CACNA1E: variants seen among roughly 807,000 people sequenced by gnomAD.
The protein encoded by CACNA1E is calcium voltage-gated channel subunit alpha1 E.
A neutral mutation model predicts 259.2 loss-of-function variants in CACNA1E; 40 were observed. That is an observed-to-expected ratio of 0.15 (90% confidence interval 0.12 to 0.20). The LOEUF (loss-of-function observed/expected upper bound fraction) is 0.20. CACNA1E is among the 10% of genes least tolerant of loss of function. The pLI is 1.00. For missense variants in CACNA1E, 1,874 were observed against 3,040.1 expected, an observed-to-expected ratio of 0.62 and a Z score of 9.02; for synonymous variants, 1,104 against 1,138.5, an observed-to-expected ratio of 0.97 and a Z score of 0.61.
chr1:181,733,788 C>T lies in CACNA1E; in HGVS notation c.3262+38C>T, dbSNP rs765647764. The T allele has an allele frequency of 1.5e-5, 21 of 1,419,476 alleles. No homozygotes were observed. In the Admixed American group the frequency reaches 5.5e-4, roughly 37 times the overall value. The allele number at this position is 1,419,476 out of a possible 1,614,324, so 87.9% of individuals were successfully genotyped here. Reference sequence around the variant, plus strand: ...TCCCTGTTCCCCTCCACCCCCAACTCCTATCCCATCTGGGGCTGGGGCCAT... The same window carrying T: ...TCCCTGTTCCCCTCCACCCCCAACTTCTATCCCATCTGGGGCTGGGGCCAT... On this transcript the variant is annotated intron_variant, in intron 21 of 47. Transcript: ENST00000367573.
At position 181,732,875 on chromosome 1, in the gene CACNA1E, G is replaced by T. The variant is rs1328788154; in HGVS notation, c.2789G>T (p.Gly930Val). ...CGGCATCGCCGCGTCAGGACAGAAG[G>T]CAAGGAGTCCTCTTCAGCCTCCCGG... The part of the protein sequence containing the change: ...RSRHRRVRTE[G>V]KESSSASRSR... The change falls in exon 20 of 48, where the codon GGC becomes GTC. Residue 930 changes from glycine to valine, a missense_variant. Transcript: ENST00000367573. The surrounding 1 kb of genome is among the most constrained non-coding windows in gnomAD (Gnocchi z 5.5). 1.2e-6 allele frequency: 2 copies of T among 1,614,006 alleles called. No homozygotes were observed. Among genetic ancestry groups the T allele is most frequent in the Non-Finnish European group, 1.7e-6 (2 of 1,179,894 alleles).
chr1:181,506,778 A>T (rs940746663), intron 1 of CACNA1E, among the ~76,000 whole-genome samples: 2 of 152,152 alleles, frequency 1.3e-5, no homozygotes, highest in African/African-American at 4.8e-5. Context: ...TCAGAAAGGG[A>T]AGTGGAAAAG....
intron 7 of CACNA1E, among the ~76,000 whole-genome samples, chr1:181,681,413 G>C (rs1025112162): frequency 6.6e-5 from 10 of 152,092 alleles, no homozygotes; most frequent in African/African-American, 2.2e-4. Context: ...ATCCTTATCT[G>C]GTCTGCAAAT....
At chr1:181,698,960 A>G (rs1046981042) in intron 7 of CACNA1E, among the ~76,000 whole-genome samples, 2 of 152,182 alleles carry the variant, frequency 1.3e-5, no homozygotes, top group African/African-American at 4.8e-5. Context: ...TAAGCTGAAT[A>G]TAGTGAAGAA....
intron 6 of CACNA1E, among the ~76,000 whole-genome samples, chr1:181,639,241 C>G (rs1657525242): frequency 6.6e-6 from 1 of 152,112 alleles, no homozygotes; most frequent in African/African-American, 2.4e-5. Flanking sequence ...GTGCCTGCCA[C>G]CATGCCCGGC....
chr1:181,631,819 C>CT (rs1472101027), intron 6 of CACNA1E, among the ~76,000 whole-genome samples: 3 of 152,198 alleles, frequency 2.0e-5, no homozygotes, highest in Non-Finnish European at 2.9e-5. Flanking sequence ...GGCTTGACCA[C>CT]TTTTTTGCAT....
At chr1:181,344,320 A>T (rs1652418060) in intron 1 of CACNA1E, among the ~76,000 whole-genome samples, 1 of 152,304 alleles carries the variant, frequency 6.6e-6, no homozygotes, top group East Asian at 1.9e-4. Context: ...CATTCCAGGC[A>T]CTGCTCTTTC....
chr1:181,528,374 C>A (rs897698287), intron 3 of CACNA1E, among the ~76,000 whole-genome samples: 2 of 152,094 alleles, frequency 1.3e-5, no homozygotes, highest in Non-Finnish European at 2.9e-5. Context: ...TCTTTTTGTT[C>A]CCAGTTTCAG....
In CACNA1E at chr1:181,510,657, C is replaced by G. The variant is rs1463464181; in HGVS notation, c.372+75C>G. On this transcript the variant is annotated intron_variant, in intron 2 of 47. Coordinates refer to ENST00000367573, the MANE Select transcript of CACNA1E (RefSeq NM_001205293.3). ...TTCTTCTCCTCTGCTTTATCACTCT[C>G]CCATTCCCTTCCTGCCTGTGAGTTC... 6 of 930,804 alleles carry G rather than the reference C, an allele frequency of 6.4e-6. No individual in the cohort carries two copies. In the East Asian group the frequency reaches 1.3e-4, roughly 20 times the overall value. 57.7% of individuals were successfully genotyped at this position (930,804 alleles called of 1,614,324 possible).
chr1:181,381,033 A>T (rs1296504609), intron 1 of CACNA1E, among the ~76,000 whole-genome samples: 1 of 151,936 alleles, frequency 6.6e-6, no homozygotes, highest in Admixed American at 6.6e-5. Context: ...AGACATGGTG[A>T]TGGGCATCTG....
At chr1:181,461,342 C>T (rs1661794309) in intron 2 of CACNA1E, among the ~76,000 whole-genome samples, 1 of 151,662 alleles carries the variant, frequency 6.6e-6, no homozygotes, top group Non-Finnish European at 1.5e-5. Flanking sequence ...GAGATCGAGA[C>T]CATCCTGGCT....
chr1:181,597,390 C>T (rs1019980313), intron 6 of CACNA1E, among the ~76,000 whole-genome samples: 1 of 152,218 alleles, frequency 6.6e-6, no homozygotes, highest in Non-Finnish European at 1.5e-5. Context: ...CCTCTTCTAT[C>T]CATGTATATT....
chr1:181,736,827 G>A (rs768743070), intron 22 of CACNA1E, among the ~76,000 whole-genome samples: 1 of 152,212 alleles, frequency 6.6e-6, no homozygotes, highest in Non-Finnish European at 1.5e-5. Context: ...ACCTGTTGGA[G>A]TTGAGAATTT....
intron 2 of CACNA1E, among the ~76,000 whole-genome samples, chr1:181,445,057 GA>G (rs1459465838): frequency 6.6e-6 from 1 of 152,156 alleles, no homozygotes; most frequent in Non-Finnish European, 1.5e-5. Flanking sequence ...CAAAATGGAG[GA>G]AAAGAAAGAG....
At chr1:181,482,418 C>G (rs1663343912), upstream of CACNA1E, among the ~76,000 whole-genome samples, 1 of 152,272 alleles carries the variant, frequency 6.6e-6, no homozygotes, top group Non-Finnish European at 1.5e-5. Flanking sequence ...ACCTGCCTCT[C>G]TCTTCTCGGC....
chr1:181,506,142 T>A (rs7524850), intron 1 of CACNA1E, among the ~76,000 whole-genome samples: 8,165 of 152,214 alleles, frequency 0.054, 694 homozygotes, highest in African/African-American at 0.18. Context: ...TGTCCCTGAT[T>A]GTGGTTGCCA....
rs749200013 is a variant in CACNA1E, at chr1:181,776,104, C to T, written c.5143C>T (p.Leu1715Phe). Residue 1715 changes from leucine (L) to phenylalanine (F), a missense_variant, in exon 38 of 48, where the codon CTC becomes TTC. This residue lies in a region of CACNA1E where 147 missense variants were observed against 337.1 expected (regional missense o/e 0.44). Coordinates refer to ENST00000367573, the MANE Select transcript of CACNA1E (RefSeq NM_001205293.3). This position sits in a 1 kb window ranked among gnomAD's most constrained non-coding sequence, Gnocchi z 4.4. ...SFIFFCSFLM[L>F]NLFVAVIMDN... is the part of the protein sequence containing the mutation. ...TCTTCTTCCCCTTGCCCTTCAGATGCTCAACCTGTTTGTGGCCGTCATCAT... is the reference window on the plus strand; with the variant it reads ...TCTTCTTCCCCTTGCCCTTCAGATGTTCAACCTGTTTGTGGCCGTCATCAT... 6.2e-7 allele frequency: 1 copy of T among 1,613,066 alleles called. No homozygotes were observed. Among genetic ancestry groups the T allele is most frequent in the Admixed American group, 1.7e-5 (1 of 59,972 alleles).
At chr1:181,745,390 T>C in intron 25 of CACNA1E, 1 of 491,764 alleles carries the variant, frequency 2.0e-6, no homozygotes, top group Admixed American at 2.3e-5. Context: ...AAATGGGATC[T>C]CAGCCCGTGG....
chr1:181,698,972 T>C (rs1321972721), intron 7 of CACNA1E, among the ~76,000 whole-genome samples: 6 of 152,160 alleles, frequency 3.9e-5, no homozygotes, highest in Non-Finnish European at 5.9e-5. Flanking sequence ...AGTGAAGAAT[T>C]TCCTGCCATG....
Sources: allele counts gnomAD v4.1 joint callset (sites outside exome capture counted in the v4.1 genomes callset), GRCh38; gene constraint gnomAD v4.1.1; regional missense constraint gnomAD v4.1.1; non-coding constraint Gnocchi (gnomAD v3.1); transcripts MANE v1.5; gene names NCBI Gene and HGNC (gene_info 2026-07-23, HGNC 2026-07-21).